The following SYN3 variants were observed in gnomAD, a reference collection of about 807,000 sequenced individuals.
The protein encoded by SYN3 is synapsin-3.
Under a neutral mutation model 65.8 loss-of-function variants are expected in SYN3, and 35 were observed. That is an observed-to-expected ratio of 0.53 (90% CI 0.41 to 0.70). The LOEUF is 0.70. Among genes scored for constraint, SYN3 ranks in the 30% least tolerant of loss-of-function variants. The pLI is 0.00. For missense variants in SYN3, 680 were observed against 749.0 expected (o/e 0.91, Z 1.08); for synonymous variants, 270 against 292.9 (o/e 0.92, Z 0.80).
At chr22:32,791,166 C>A (rs568142089) in intron 6 of SYN3, among the ~76,000 whole-genome samples, 1 of 152,302 alleles carries the variant, frequency 6.6e-6, no homozygotes, top group African/African-American at 2.4e-5. Flanking sequence ...GAATTACATA[C>A]CTTTACACTT....
chr22:32,961,318 C>T (rs574894978), intron 3 of SYN3, among the ~76,000 whole-genome samples: 3 of 152,044 alleles, frequency 2.0e-5, no homozygotes, highest in Admixed American at 6.5e-5. Flanking sequence ...CTCTTTCTAG[C>T]ATCTCTCTCT....
intron 7 of SYN3, among the ~76,000 whole-genome samples, chr22:32,558,832 C>T (rs544604521): frequency 2.6e-5 from 4 of 152,344 alleles, no homozygotes; most frequent in African/African-American, 9.6e-5. Context: ...GGCCGGGGCT[C>T]TGGGCTGACT....
chr22:32,649,060 C>G (rs1471778875), intron 6 of SYN3, among the ~76,000 whole-genome samples: 1 of 152,192 alleles, frequency 6.6e-6, no homozygotes, highest in Non-Finnish European at 1.5e-5. Flanking sequence ...GTATCAATAC[C>G]TGTTGTCAGG....
In SYN3 at chr22:32,556,812, T is replaced by G. The variant is rs1251512631; in HGVS notation, c.775-15099A>C. On this transcript the variant is annotated intron_variant, in intron 7 of 13. Transcript: ENST00000358763. Reference sequence around the variant, plus strand: ...AATCTATAGGTTTCCTGGTTTTTTTTTTTTTTTTTTTTTTTTTTTTTTTGT... The same window carrying G: ...AATCTATAGGTTTCCTGGTTTTTTTGTTTTTTTTTTTTTTTTTTTTTTTGT... Among the ~76,000 whole-genome samples, 40 of 112,146 alleles carry G rather than the reference T, an allele frequency of 3.6e-4. 3 individuals are homozygous for G. The highest frequency in any genetic ancestry group is 1.2e-3 in the African/African-American group (36 of 30,944). 73.6% of individuals were successfully genotyped at this position (112,146 alleles called of 152,430 possible). A position where few individuals can be genotyped will look rare whatever the true frequency, so the allele number is the denominator to read the frequency against.
At chr22:32,984,849 T>C (rs992052623) in intron 2 of SYN3, among the ~76,000 whole-genome samples, 2 of 152,182 alleles carry the variant, frequency 1.3e-5, no homozygotes, top group African/African-American at 2.4e-5. Context: ...GGATTTGCAA[T>C]CACACAGGCT....
intron 1 of SYN3, among the ~76,000 whole-genome samples, chr22:33,009,667 A>C (rs1480734465): frequency 2.6e-5 from 4 of 151,928 alleles, no homozygotes; most frequent in African/African-American, 7.3e-5. Context: ...ATAAGAAAAA[A>C]AAATTATACT....
At chr22:32,872,679 T>C (rs897204148) in intron 4 of SYN3, among the ~76,000 whole-genome samples, 45 of 152,262 alleles carry the variant, frequency 3.0e-4, no homozygotes, top group African/African-American at 8.7e-4. Context: ...ATAGAGAAAT[T>C]ACTGACTTAA....
intron 6 of SYN3, among the ~76,000 whole-genome samples, chr22:32,805,524 A>G (rs2046707659): frequency 1.3e-5 from 2 of 152,230 alleles, no homozygotes; most frequent in South Asian, 4.2e-4. Context: ...TCTTGGAACC[A>G]TGGAAGGAGG....
chr22:32,720,986 G>A lies in SYN3; in HGVS notation c.712-124250C>T, dbSNP rs867035742. The stretch of plus-strand genomic sequence containing the variant: ...GAGGAAACAGTCCCTTAGTACACAC[G>A]TTCACATCCAGGTTCTTGGGGGCTT... On this transcript the variant is annotated intron_variant, in intron 6 of 13. Transcript: ENST00000358763. 3.9e-5 allele frequency among the ~76,000 whole-genome samples: 6 copies of A among 152,180 alleles called. No homozygotes were observed. The South Asian group carries it at 8.3e-4, about 21-fold the overall frequency.
intron 2 of SYN3, among the ~76,000 whole-genome samples, chr22:32,983,779 C>T (rs1239960275): frequency 6.6e-6 from 1 of 152,080 alleles, no homozygotes; most frequent in African/African-American, 2.4e-5. Context: ...ATTTGAAGTG[C>T]CTGGGGCAAA....
chr22:32,642,442 A>AT (rs200092095), intron 6 of SYN3, among the ~76,000 whole-genome samples: 449 of 127,156 alleles, frequency 3.5e-3, no homozygotes, highest in African/African-American at 8.4e-3. Flanking sequence ...TTATCTTTTT[A>AT]TTTTATTTTT....
intron 2 of SYN3, among the ~76,000 whole-genome samples, chr22:32,992,550 C>T (rs1044870982): frequency 2.0e-5 from 3 of 152,120 alleles, no homozygotes; most frequent in African/African-American, 7.2e-5. Context: ...TGGTGGCTCA[C>T]GCCTGTAATC....
At position 32,897,990 on chromosome 22, in the gene SYN3, T is replaced by G. The variant is rs143165215; in HGVS notation, c.462-28865A>C. Among the ~76,000 whole-genome samples, 436 of 152,068 alleles carry G rather than the reference T, an allele frequency of 2.9e-3. 14 individuals are homozygous for G. The highest frequency in any genetic ancestry group is 0.022 in the Admixed American group (340 of 15,260). On this transcript the variant is annotated intron_variant, in intron 4 of 13. Coordinates refer to ENST00000358763, the MANE Select transcript of SYN3 (RefSeq NM_003490.4). ...ATGGGCCACCACACTCAGCTATTGT[T>G]TTTTGTTTGTTTGTTTGTTTTTGAG...
In SYN3 at chr22:32,697,263, T is replaced by C. The variant is rs550938878; in HGVS notation, c.712-100527A>G. On this transcript the variant is annotated intron_variant, in intron 6 of 13. Coordinates refer to ENST00000358763, the MANE Select transcript of SYN3 (RefSeq NM_003490.4). The stretch of plus-strand genomic sequence containing the variant: ...GGAGGAAACATCAACAGAAATGGAG[T>C]AGAATGAAGGAGCTCAGAGCATGAT... 7.2e-5 allele frequency among the ~76,000 whole-genome samples: 11 copies of C among 152,178 alleles called. No individual in the cohort carries two copies. In the South Asian group the frequency reaches 2.3e-3, roughly 32 times the overall value.
In SYN3 at chr22:32,980,795, G is replaced by A. The variant is rs1186582394; in HGVS notation, c.312-93C>T. The A allele has an allele frequency of 6.5e-6, 7 of 1,072,508 alleles. No homozygotes were observed. The Admixed American group carries it at 6.8e-5, about 10-fold the overall frequency. The allele number at this position is 1,072,508 out of a possible 1,614,324, so 66.4% of individuals were successfully genotyped here. The stretch of plus-strand genomic sequence containing the variant: ...AGGCCTTACCCCAGAGGTGCATATT[G>A]AGACACATCCTCAGCCATCCTACTG... On this transcript the variant is annotated intron_variant, in intron 2 of 13. Coordinates refer to ENST00000358763, the MANE Select transcript of SYN3 (RefSeq NM_003490.4).
chr22:32,986,521 T>C (rs1262806062), intron 2 of SYN3, among the ~76,000 whole-genome samples: 1 of 152,194 alleles, frequency 6.6e-6, no homozygotes, highest in Non-Finnish European at 1.5e-5. Context: ...TGTCTCCTGA[T>C]GGGCCACACA....
intron 4 of SYN3, among the ~76,000 whole-genome samples, chr22:32,894,451 G>A (rs2049535203): frequency 6.6e-6 from 1 of 152,204 alleles, no homozygotes; most frequent in Admixed American, 6.5e-5. Context: ...AGGCTCCCTT[G>A]TAGCTAGTGC....
chr22:32,697,885 T>G (rs2060758747), intron 6 of SYN3, among the ~76,000 whole-genome samples: 1 of 152,116 alleles, frequency 6.6e-6, no homozygotes, highest in African/African-American at 2.4e-5. Flanking sequence ...ACTTTGATAC[T>G]CTGCCATCAG....
intron 1 of SYN3, among the ~76,000 whole-genome samples, chr22:33,036,319 T>C (rs2053858732): frequency 6.6e-6 from 1 of 152,204 alleles, no homozygotes; most frequent in East Asian, 1.9e-4. Flanking sequence ...GGGACCAGAA[T>C]ACGCTATCCC....
Sources: allele counts gnomAD v4.1 joint callset (sites outside exome capture counted in the v4.1 genomes callset), GRCh38; gene constraint gnomAD v4.1.1; transcripts MANE v1.5; gene names NCBI Gene and HGNC (gene_info 2026-07-23, HGNC 2026-07-21).